FAM53B: variants seen among roughly 807,000 people sequenced by gnomAD.
FAM53B encodes protein FAM53B.
Under a neutral mutation model 32.7 loss-of-function variants are expected in FAM53B, and 12 were observed. The observed-to-expected ratio is 0.37, with a 90% CI of 0.24 to 0.59. FAM53B has a LOEUF of 0.59. FAM53B is among the 20% of genes least tolerant of loss of function. The probability of loss-of-function intolerance (pLI) is 0.72; values close to 1 mark genes in which losing one functional copy is unlikely to be tolerated. For missense variants in FAM53B, 477 were observed against 577.7 expected, an observed-to-expected ratio of 0.83 and a Z score of 1.79; for synonymous variants, 234 against 228.7, an observed-to-expected ratio of 1.02 and a Z score of -0.21.
chr10:124,695,971 A>G (rs1030390838), intron 3 of FAM53B, among the ~76,000 whole-genome samples, 187 bp downstream of exon 3: 4 of 152,218 alleles, frequency 2.6e-5, no homozygotes, highest in African/African-American at 9.7e-5. Context: ...TGTAAACCAC[A>G]CACCAGTGCC....
intron 4 of FAM53B, among the ~76,000 whole-genome samples, chr10:124,681,053 GA>G (rs1421666849): frequency 1.3e-5 from 2 of 152,248 alleles, no homozygotes; most frequent in Non-Finnish European, 2.9e-5. Context: ...CTTCTACAGT[GA>G]AGGGCAAGGA....
intron 2 of FAM53B, among the ~76,000 whole-genome samples, chr10:124,701,053 A>G (rs1949912355): frequency 6.6e-6 from 1 of 152,228 alleles, no homozygotes; most frequent in Non-Finnish European, 1.5e-5. Context: ...AGGCTCTGGG[A>G]TTAGCCAAAG....
chr10:124,637,577 C>A (rs1031283571), intron 4 of FAM53B, among the ~76,000 whole-genome samples: 4 of 152,226 alleles, frequency 2.6e-5, no homozygotes, highest in African/African-American at 9.6e-5. Flanking sequence ...GGGCATGTCC[C>A]TGCTGATGTC....
At chr10:124,726,387 G>A (rs935173178) in intron 1 of FAM53B, among the ~76,000 whole-genome samples, 1 of 152,218 alleles carries the variant, frequency 6.6e-6, no homozygotes, top group Non-Finnish European at 1.5e-5. Context: ...CACTGAAGGA[G>A]AACAGTGGCA....
At position 124,651,903 on chromosome 10, in the gene FAM53B, T is replaced by C. The variant is rs930756733; in HGVS notation, c.907-28299A>G. ...AACCCAGACAGCCTTTGCTTGCTGG[T>C]TCCTTTATTTGTCCCCCATCTGTGA... On this transcript the variant is annotated intron_variant, in intron 4 of 4. Coordinates refer to ENST00000337318, the MANE Select transcript of FAM53B (RefSeq NM_014661.4). This position sits in a 1 kb window ranked among gnomAD's most constrained non-coding sequence, Gnocchi z 5.2. Among the ~76,000 whole-genome samples, 3 of 152,180 alleles carry C rather than the reference T, an allele frequency of 2.0e-5. No homozygotes were observed. The highest frequency in any genetic ancestry group is 7.2e-5 in the African/African-American group (3 of 41,452).
chr10:124,664,447 G>C (rs144410073), intron 4 of FAM53B, among the ~76,000 whole-genome samples: 19 of 152,368 alleles, frequency 1.2e-4, no homozygotes, highest in Non-Finnish European at 1.8e-4. Context: ...ACTGGGCCGG[G>C]AAGGCAGAGA....
chr10:124,693,685 T>C (rs1415713720), intron 3 of FAM53B, among the ~76,000 whole-genome samples: 1 of 152,100 alleles, frequency 6.6e-6, no homozygotes, highest in Non-Finnish European at 1.5e-5. Context: ...TGTGCTAGTG[T>C]GTGGCCGTCT....
chr10:124,690,824 T>C (rs1367762001), intron 3 of FAM53B, among the ~76,000 whole-genome samples: 2 of 152,184 alleles, frequency 1.3e-5, no homozygotes, highest in Non-Finnish European at 1.5e-5. Flanking sequence ...CATATGGATG[T>C]AATTTTTTTT....
At position 124,666,903 on chromosome 10, in the gene FAM53B, G is replaced by C. The variant is rs571785139; in HGVS notation, c.906+14704C>G. Among the ~76,000 whole-genome samples the C allele has an allele frequency of 3.9e-4, 59 of 152,360 alleles. No homozygotes were observed. The South Asian group carries it at 0.011, about 29-fold the overall frequency. On this transcript the variant is annotated intron_variant, in intron 4 of 4. Coordinates refer to ENST00000337318, the MANE Select transcript of FAM53B (RefSeq NM_014661.4). ...GGGCCTGCTATACCCGAGGCAGAGG[G>C]CACAGCCCAGAGCACCTAGCACCTC...
intron 2 of FAM53B, among the ~76,000 whole-genome samples, chr10:124,701,544 AAAG>A (rs1564881789): frequency 6.6e-6 from 1 of 152,244 alleles, no homozygotes; most frequent in African/African-American, 2.4e-5. Flanking sequence ...TCTGGAAACA[AAAG>A]AACAGGCCCT....
At chr10:124,683,248 T>C (rs774932438) in intron 3 of FAM53B, among the ~76,000 whole-genome samples, 5 of 152,360 alleles carry the variant, frequency 3.3e-5, no homozygotes, top group Non-Finnish European at 5.9e-5. Flanking sequence ...TTTTCTACTA[T>C]GGAATCAGGC....
chr10:124,666,888 T>C (rs887536948), intron 4 of FAM53B, among the ~76,000 whole-genome samples: 2 of 152,160 alleles, frequency 1.3e-5, no homozygotes, highest in Non-Finnish European at 2.9e-5. Flanking sequence ...GGGCCTGCTA[T>C]ACCCGAGGCA....
At chr10:124,645,702 G>A (rs1445234206) in intron 4 of FAM53B, among the ~76,000 whole-genome samples, 2 of 152,186 alleles carry the variant, frequency 1.3e-5, no homozygotes, top group Non-Finnish European at 2.9e-5. Context: ...GGCCTCATTC[G>A]AGGGGCTCAG....
chr10:124,709,171 G>C (rs1295478940), intron 1 of FAM53B, among the ~76,000 whole-genome samples: 1 of 152,246 alleles, frequency 6.6e-6, no homozygotes, highest in Non-Finnish European at 1.5e-5. Context: ...TGTGTTTAAA[G>C]GGAAACAAGC....
At chr10:124,661,559 C>T (rs1188512244) in intron 4 of FAM53B, among the ~76,000 whole-genome samples, 1 of 152,242 alleles carries the variant, frequency 6.6e-6, no homozygotes, top group African/African-American at 2.4e-5. Context: ...GACAATCTTA[C>T]AGCCACTGTC....
rs1344657539 is a variant in FAM53B, at chr10:124,623,052, C to A, written c.*190G>T. 3 of 691,880 alleles carry A rather than the reference C, an allele frequency of 4.3e-6. No homozygotes were observed. The allele number at this position is 691,880 out of a possible 1,614,324, so 42.9% of individuals were successfully genotyped here. ...GGGGAGCCGGTGAGAGGCTGACACA[C>A]CCGCTGTATGACGCGGCCAGGCCAG... On this transcript the variant is annotated 3_prime_UTR_variant, in exon 5 of 5. Transcript: ENST00000337318.
At chr10:124,648,166 C>A (rs1425191211) in intron 4 of FAM53B, among the ~76,000 whole-genome samples, 2 of 152,238 alleles carry the variant, frequency 1.3e-5, no homozygotes, top group Admixed American at 6.5e-5. Context: ...CTGCAGCAGC[C>A]AAGCTTCTGG....
chr10:124,626,692 G>C (rs969589476), intron 4 of FAM53B, among the ~76,000 whole-genome samples: 2 of 151,516 alleles, frequency 1.3e-5, no homozygotes, highest in African/African-American at 4.8e-5. Flanking sequence ...AACAAAGTAA[G>C]ACACTTTATG....
At chr10:124,669,985 C>T (rs534517079) in intron 4 of FAM53B, among the ~76,000 whole-genome samples, 19 of 152,120 alleles carry the variant, frequency 1.2e-4, no homozygotes, top group Admixed American at 2.0e-4. Context: ...GAGGACCACA[C>T]ACCCGAGGGA....
Sources: gnomAD v4.1 joint callset for allele counts (sites outside exome capture counted in the v4.1 genomes callset) on GRCh38, gnomAD v4.1.1 for gene constraint, Gnocchi (gnomAD v3.1) non-coding constraint, MANE v1.5 for transcripts, NCBI Gene and HGNC (gene_info 2026-07-23, HGNC 2026-07-21) for gene names.